Variants in THEM4 observed in about 807,000 individuals in gnomAD.
THEM4 encodes the protein acyl-coenzyme A thioesterase THEM4.
A neutral mutation model predicts 25.0 loss-of-function variants in THEM4; 22 were observed. The observed-to-expected ratio is 0.88, with a 90% CI of 0.63 to 1.26. The LOEUF (loss-of-function observed/expected upper bound fraction) is 1.26, where lower values mean the gene tolerates loss of function less well. THEM4 is among the 50% of genes most tolerant of loss of function. The probability of loss-of-function intolerance (pLI) is 0.00; values close to 1 mark genes in which losing one functional copy is unlikely to be tolerated. For synonymous variants in THEM4, 113 were observed against 105.6 expected, an observed-to-expected ratio of 1.07 and a Z score of -0.43; for missense variants, 286 against 300.3, an observed-to-expected ratio of 0.95 and a Z score of 0.35.
intron 2 of THEM4, 117 bp downstream of exon 2, chr1:151,894,891 G>A: frequency 8.4e-7 from 1 of 1,183,834 alleles, no homozygotes; most frequent in Non-Finnish European, 1.2e-6. Flanking sequence ...GGTGACTATA[G>A]AACCATAATC....
rs570511019 is a variant in THEM4 at position 151,905,875 on chromosome 1, T to C, written c.99+3485A>G. ...GGCCGTCTGGGCACCATAGTGAAGA[T>C]TATGAGATAAGCACTTGCAAGGCTC... On this transcript the variant is annotated intron_variant, in intron 1 of 5. Transcript: ENST00000368814. 1.1e-4 allele frequency among the ~76,000 whole-genome samples: 16 copies of C among 152,344 alleles called. No homozygotes were observed. In the South Asian group the frequency reaches 3.3e-3, roughly 32 times the overall value.
At chr1:151,898,808 T>C (rs1654279690) in intron 1 of THEM4, among the ~76,000 whole-genome samples, 1 of 152,202 alleles carries the variant, frequency 6.6e-6, no homozygotes, top group Non-Finnish European at 1.5e-5. Flanking sequence ...GCAGACTCAC[T>C]GGGTGGCTAG....
At chr1:151,899,104 T>C (rs960641559) in intron 1 of THEM4, among the ~76,000 whole-genome samples, 5 of 152,192 alleles carry the variant, frequency 3.3e-5, no homozygotes, top group Non-Finnish European at 7.3e-5. Flanking sequence ...CTGATTTATC[T>C]GAAAAAGAAT....
At chr1:151,883,829 C>CT (rs1352635641) in intron 4 of THEM4, among the ~76,000 whole-genome samples, 1 of 151,942 alleles carries the variant, frequency 6.6e-6, no homozygotes, top group Non-Finnish European at 1.5e-5. Flanking sequence ...AATCTCAGCA[C>CT]TTTGGGAGGC....
intron 4 of THEM4, among the ~76,000 whole-genome samples, chr1:151,880,489 AT>A: frequency 6.6e-6 from 1 of 152,176 alleles, no homozygotes; most frequent in African/African-American, 2.4e-5. Context: ...AAAAAAAAAA[AT>A]TGAGAACAAT....
intron 2 of THEM4, chr1:151,891,517 T>C (rs561891585): frequency 6.6e-6 from 1 of 152,284 alleles, no homozygotes; most frequent in African/African-American, 2.4e-5. Flanking sequence ...TTCAGATAGA[T>C]GAGGGCTATT....
At chr1:151,909,224 C>A in intron 1 of THEM4, 136 bp downstream of exon 1, 2 of 657,244 alleles carry the variant, frequency 3.0e-6, no homozygotes, top group Non-Finnish European at 4.9e-6. Context: ...GTTGCTTATG[C>A]TGCCCTGTGG....
At chr1:151,884,115 G>T (rs113589788) in intron 4 of THEM4, among the ~76,000 whole-genome samples, 1 of 135,456 alleles carries the variant, frequency 7.4e-6, no homozygotes, top group African/African-American at 2.7e-5. Flanking sequence ...ATAAATAAAG[G>T]AAGGAAGGAA....
Position 151,871,610 on chromosome 1 carries a change from C to T in THEM4, c.*3278G>A, listed in dbSNP as rs1379210570. On this transcript the variant is annotated 3_prime_UTR_variant, in exon 6 of 6. Transcript: ENST00000368814. The stretch of plus-strand genomic sequence containing the variant: ...TTTCCCTCACTGGCTATGGGGAACC[C>T]TATGTTAACAGTGACTGAGCTTTTT... 1.3e-5 allele frequency among the ~76,000 whole-genome samples: 2 copies of T among 152,238 alleles called. No homozygotes were observed. The highest frequency in any genetic ancestry group is 4.8e-5 in the African/African-American group (2 of 41,466).
chr1:151,877,991 C>T (rs1032675581), intron 4 of THEM4, among the ~76,000 whole-genome samples: 29 of 152,258 alleles, frequency 1.9e-4, no homozygotes, highest in African/African-American at 6.3e-4. Flanking sequence ...GATGATCTCT[C>T]TGCCCAGTTT....
rs1271451911 is a variant in THEM4 at position 151,873,618 on chromosome 1, A to G, written c.*1270T>C. On this transcript the variant is annotated 3_prime_UTR_variant, in exon 6 of 6. Coordinates refer to ENST00000368814, the MANE Select transcript of THEM4 (RefSeq NM_053055.5). ...ATAAGGTCACTTTATTTGGAAATAC[A>G]TTTTTTACAGAGGTAATCAAGTTAA... 6.6e-6 allele frequency: 1 copy of G among 152,188 alleles called. No homozygotes were observed. Among genetic ancestry groups the G allele is most frequent in the Admixed American group, 6.5e-5 (1 of 15,276 alleles). 9.4% of individuals were successfully genotyped at this position (152,188 alleles called of 1,614,324 possible). A position where few individuals can be genotyped will look rare whatever the true frequency, so the allele number is the denominator to read the frequency against.
At chr1:151,877,424 T>A (rs928951305) in intron 4 of THEM4, among the ~76,000 whole-genome samples, 3 of 152,200 alleles carry the variant, frequency 2.0e-5, no homozygotes, top group Admixed American at 1.3e-4. Context: ...GACTATCCCA[T>A]CTGGAGATCC....
At chr1:151,889,070 T>A in intron 3 of THEM4, 144 bp downstream of exon 3, 2 of 482,518 alleles carry the variant, frequency 4.1e-6, no homozygotes, top group East Asian at 6.5e-5. Flanking sequence ...CCTTTAATAA[T>A]GTATTATAAA....
At chr1:151,901,407 T>C (rs1402332214) in intron 1 of THEM4, among the ~76,000 whole-genome samples, 1 of 152,208 alleles carries the variant, frequency 6.6e-6, no homozygotes, top group Non-Finnish European at 1.5e-5. Flanking sequence ...TATTCAACAG[T>C]GCATGGAACT....
At chr1:151,900,354 A>T (rs983198207) in intron 1 of THEM4, among the ~76,000 whole-genome samples, 1 of 152,238 alleles carries the variant, frequency 6.6e-6, no homozygotes, top group African/African-American at 2.4e-5. Context: ...TTGAATGTAA[A>T]TGGCCTAAGT....
chr1:151,882,510 G>A (rs979333999), intron 4 of THEM4, among the ~76,000 whole-genome samples: 6 of 152,162 alleles, frequency 3.9e-5, no homozygotes, highest in Non-Finnish European at 8.8e-5. Context: ...GGCCCAGAGA[G>A]GTTAGGTAAT....
intron 3 of THEM4, 29 bp from the exon 4 acceptor site, chr1:151,888,412 G>A (rs762735885): frequency 1.3e-6 from 2 of 1,534,444 alleles, no homozygotes; most frequent in Admixed American, 3.6e-5. Context: ...GAGGAGAAAT[G>A]TTTTCAGAAG....
intron 1 of THEM4, among the ~76,000 whole-genome samples, chr1:151,903,557 C>T (rs1654396508): frequency 6.6e-6 from 1 of 152,154 alleles, no homozygotes; most frequent in Admixed American, 6.5e-5. Flanking sequence ...ATAGCTTTTC[C>T]TCTATTTTGG....
At chr1:151,904,613 T>C (rs1472044205) in intron 1 of THEM4, among the ~76,000 whole-genome samples, 4 of 152,198 alleles carry the variant, frequency 2.6e-5, no homozygotes, top group Non-Finnish European at 4.4e-5. Context: ...TGAAATGCAA[T>C]GGTAGGGAAA....
Sources: gnomAD v4.1 joint callset for allele counts (sites outside exome capture counted in the v4.1 genomes callset) on GRCh38, gnomAD v4.1.1 for gene constraint, MANE v1.5 for transcripts, NCBI Gene and HGNC (gene_info 2026-07-23, HGNC 2026-07-21) for gene names.